The following ANK3 variants were observed in gnomAD, a reference collection of about 807,000 sequenced individuals.
ANK3 encodes the protein ankyrin 3.
ANK3 carries 57 observed loss-of-function variants against 370.9 expected under a neutral mutation model. The observed-to-expected ratio is 0.15, with a 90% CI of 0.12 to 0.19. The LOEUF is 0.19. ANK3 is among the 10% of genes least tolerant of loss of function. ANK3 has a pLI of 1.00. For synonymous variants in ANK3, 1,929 were observed against 1,946.3 expected, an observed-to-expected ratio of 0.99 and a Z score of 0.23; for missense variants, 4,439 against 5,302.1, an observed-to-expected ratio of 0.84 and a Z score of 5.06.
At position 60,590,591 on chromosome 10, in the gene ANK3, A is replaced by G. The variant is rs79688179; in HGVS notation, c.96+24595T>C. On this transcript the variant is annotated intron_variant, in intron 2 of 43. Transcript: ENST00000373827. ...AGAACAACATGAAGAATGGTTATATATATCTGCAGTAACATCATAAGTATA... is the reference window on the plus strand; with the variant it reads ...AGAACAACATGAAGAATGGTTATATGTATCTGCAGTAACATCATAAGTATA... Among the ~76,000 whole-genome samples, 684 of 152,356 alleles carry G rather than the reference A, an allele frequency of 4.5e-3. 7 individuals carry two copies. The highest frequency in any genetic ancestry group is 0.016 in the African/African-American group (646 of 41,590).
At chr10:60,040,456 A>G (rs1225429488) in intron 43 of ANK3, among the ~76,000 whole-genome samples, 2 of 152,180 alleles carry the variant, frequency 1.3e-5, no homozygotes, top group African/African-American at 4.8e-5. Context: ...CCTGGAAAGT[A>G]AAATTAGGCT....
intron 1 of ANK3, among the ~76,000 whole-genome samples, chr10:60,314,014 G>A (rs115154451): frequency 6.6e-6 from 1 of 150,978 alleles, no homozygotes; most frequent in African/African-American, 2.4e-5. Flanking sequence ...CCCTGCTAGA[G>A]TGTGCACTCT....
intron 23 of ANK3, among the ~76,000 whole-genome samples, chr10:60,163,640 AAG>A (rs1388279861): frequency 3.3e-5 from 5 of 152,202 alleles, no homozygotes; most frequent in Non-Finnish European, 7.3e-5. Context: ...AATGAAAAAG[AAG>A]AGAGAGACTA....
rs138376140 is a variant in ANK3, at chr10:60,073,496, C to T, written c.7385G>A (p.Arg2462Lys). ...ELSELRGESY[R>K]FAEKMLLSEK... ...TGACAGAAGCATTTTCTCAGCAAAC[C>T]TGTAAGACTCCCCTCTTAGTTCTGA... is the stretch of plus-strand genomic sequence containing the variant. The change falls in exon 37 of 44, where the codon AGG (arginine) becomes AAG (lysine). Residue 2462 changes from arginine (R) to lysine (K), a missense_variant. Around this residue, in one of 13 missense-constraint regions of ANK3, gnomAD observed 1,601 missense variants for 1,731.7 expected, o/e 0.92. Transcript: ENST00000280772. 2.5e-6 allele frequency: 4 copies of T among 1,613,954 alleles called. No individual in the cohort carries two copies. Among genetic ancestry groups the T allele is most frequent in the Non-Finnish European group, 3.4e-6 (4 of 1,180,020 alleles).
At chr10:60,207,885 C>T (rs2096789604) in intron 10 of ANK3, 151 bp downstream of exon 10, 1 of 708,512 alleles carries the variant, frequency 1.4e-6, no homozygotes, top group Non-Finnish European at 2.3e-6. Flanking sequence ...ATTTTGTAGA[C>T]TTTCCTGAAG....
intron 1 of ANK3, among the ~76,000 whole-genome samples, chr10:60,320,147 A>G (rs61847721): frequency 0.024 from 3,627 of 152,262 alleles, 68 homozygotes; most frequent in Non-Finnish European, 0.038. Context: ...ACCACCTACA[A>G]TTTCTCTTTT....
At chr10:60,271,103 A>G (rs920964710) in intron 4 of ANK3, among the ~76,000 whole-genome samples, 5 of 152,154 alleles carry the variant, frequency 3.3e-5, no homozygotes, top group Non-Finnish European at 5.9e-5. Context: ...AATGTATTTC[A>G]TATCTATGAA....
rs531182155 is a variant in ANK3 at position 60,261,050 on chromosome 10, T to C, written c.798+809A>G. ...TTTCAGTGACGCAGTGAGGGAGAGGTGATATTTTATAATTGTTTATTTAAT... is the reference window on the plus strand; with the variant it reads ...TTTCAGTGACGCAGTGAGGGAGAGGCGATATTTTATAATTGTTTATTTAAT... On this transcript the variant is annotated intron_variant, in intron 7 of 43. Transcript: ENST00000280772. 2.6e-5 allele frequency among the ~76,000 whole-genome samples: 4 copies of C among 152,124 alleles called. No individual in the cohort carries two copies. The East Asian group carries it at 7.7e-4, about 29-fold the overall frequency.
intron 7 of ANK3, among the ~76,000 whole-genome samples, chr10:60,239,227 T>A (rs770494000): frequency 2.0e-5 from 3 of 152,098 alleles, no homozygotes; most frequent in African/African-American, 2.4e-5. Context: ...CTTGAAGAGA[T>A]AATGAATGGT....
intron 2 of ANK3, among the ~76,000 whole-genome samples, chr10:60,464,381 A>G (rs958611199): frequency 5.5e-5 from 8 of 145,036 alleles, no homozygotes; most frequent in Admixed American, 1.3e-4. Flanking sequence ...TTTTTCTGAA[A>G]ACAAGATAAT....
chr10:60,656,056 T>C (rs2078859128), intron 1 of ANK3, among the ~76,000 whole-genome samples: 1 of 152,202 alleles, frequency 6.6e-6, no homozygotes, highest in Non-Finnish European at 1.5e-5. Context: ...AATCACCTGA[T>C]GAATTTCTCA....
chr10:60,512,768 T>C (rs187325285), intron 2 of ANK3, among the ~76,000 whole-genome samples: 56 of 152,244 alleles, frequency 3.7e-4, no homozygotes, highest in African/African-American at 1.3e-3. Context: ...GAAAACTACT[T>C]CTGTGTTATC....
intron 1 of ANK3, among the ~76,000 whole-genome samples, chr10:60,652,746 C>A (rs2078807662): frequency 6.7e-6 from 1 of 150,318 alleles, no homozygotes; most frequent in Non-Finnish European, 1.5e-5. Context: ...ACGAAGGTTC[C>A]AGTCTGATAA....
At chr10:60,633,441 C>T (rs2078511511) in intron 1 of ANK3, among the ~76,000 whole-genome samples, 1 of 151,842 alleles carries the variant, frequency 6.6e-6, no homozygotes, top group South Asian at 2.1e-4. Context: ...AATGAATCAT[C>T]ATATAAGTTA....
chr10:60,344,945 T>C (rs1480042648), intron 1 of ANK3, among the ~76,000 whole-genome samples: 1 of 152,192 alleles, frequency 6.6e-6, no homozygotes, highest in East Asian at 1.9e-4. Flanking sequence ...ACATTCATTC[T>C]GAAAAGGCTA....
chr10:60,587,791 T>G lies in ANK3; in HGVS notation c.96+27395A>C, dbSNP rs533051819. 2.6e-5 allele frequency among the ~76,000 whole-genome samples: 4 copies of G among 152,344 alleles called. No individual in the cohort carries two copies. In the East Asian group the frequency reaches 7.7e-4, roughly 29 times the overall value. On this transcript the variant is annotated intron_variant, in intron 2 of 43. Coordinates refer to the ANK3 transcript ENST00000373827. ...GAAAAAATCAAATATTAATCCTGTC[T>G]TTACTTTAGAAACTGTACCTCAAAG...
chr10:60,731,015 C>T (rs1395001671), intron 1 of ANK3, among the ~76,000 whole-genome samples: 1 of 152,126 alleles, frequency 6.6e-6, no homozygotes, highest in African/African-American at 2.4e-5. Flanking sequence ...TTGGATTATA[C>T]AGATTCCCTA....
intron 1 of ANK3, among the ~76,000 whole-genome samples, chr10:60,665,172 C>T (rs1488918641): frequency 2.0e-5 from 3 of 152,036 alleles, no homozygotes; most frequent in African/African-American, 7.3e-5. Context: ...AGGACAATAC[C>T]TTCTTGAGGA....
chr10:60,215,902 G>A (rs1280448168), intron 8 of ANK3, among the ~76,000 whole-genome samples: 1 of 152,152 alleles, frequency 6.6e-6, no homozygotes, highest in African/African-American at 2.4e-5. Context: ...ATGGTAGTTT[G>A]ATGGGAATAG....
Sources: allele counts gnomAD v4.1 joint callset (sites outside exome capture counted in the v4.1 genomes callset), GRCh38; gene constraint gnomAD v4.1.1; regional missense constraint gnomAD v4.1.1; transcripts MANE v1.5; gene names NCBI Gene and HGNC (gene_info 2026-07-23, HGNC 2026-07-21).